Variants in NT5M observed in about 807,000 individuals in gnomAD.
NT5M encodes 5'(3')-deoxyribonucleotidase, mitochondrial.
In NT5M, 22 loss-of-function variants were observed where a neutral mutation model predicts 22.2. The ratio of observed to expected loss-of-function variants is 0.99; its 90% CI spans 0.71 to 1.41. The LOEUF is 1.41. Among genes scored for constraint, NT5M ranks in the 40% most tolerant of loss-of-function variants. The pLI is 0.00. For missense variants in NT5M, 322 were observed against 314.8 expected (o/e 1.02, Z -0.17); for synonymous variants, 167 against 133.0 (o/e 1.26, Z -1.76).
chr17:17,313,596 T>C lies in NT5M; in HGVS notation c.368+6953T>C, dbSNP rs539217049. On this transcript the variant is annotated intron_variant, in intron 2 of 4. Transcript: ENST00000389022. ...CTGATCAGTCACCCTCATGACTATT[T>C]ATCCAGCATCTGCTGCATGCTCAGC... Among the ~76,000 whole-genome samples, 120 of 152,328 alleles carry C rather than the reference T, an allele frequency of 7.9e-4. 1 individual carries two copies. Among genetic ancestry groups the C allele is most frequent in the African/African-American group, 2.8e-3 (118 of 41,554 alleles).
intron 2 of NT5M, among the ~76,000 whole-genome samples, chr17:17,319,552 C>A (rs1271377458): frequency 6.6e-6 from 1 of 152,208 alleles, no homozygotes; most frequent in East Asian, 1.9e-4. Context: ...ACTGTTGATA[C>A]ATTTATTTAA....
intron 3 of NT5M, among the ~76,000 whole-genome samples, chr17:17,340,415 C>A (rs1282949693): frequency 6.6e-6 from 1 of 151,822 alleles, no homozygotes. Flanking sequence ...TTTACCTTTC[C>A]AAAAAACCAA....
intron 2 of NT5M, among the ~76,000 whole-genome samples, chr17:17,309,623 A>C (rs2048881254): frequency 6.8e-6 from 1 of 146,006 alleles, no homozygotes; most frequent in Admixed American, 6.8e-5. Context: ...GTGTGAAGTG[A>C]TTTTGTGAAT....
chr17:17,311,685 T>C (rs2145331248), intron 2 of NT5M, among the ~76,000 whole-genome samples: 1 of 152,356 alleles, frequency 6.6e-6, no homozygotes, highest in Non-Finnish European at 1.5e-5. Flanking sequence ...TGTCAACTTT[T>C]AAAGTTCTAA....
At chr17:17,329,219 C>G (rs2049326317) in intron 3 of NT5M, among the ~76,000 whole-genome samples, 1 of 152,204 alleles carries the variant, frequency 6.6e-6, no homozygotes, top group Admixed American at 6.5e-5. Context: ...ACCTCGTGAT[C>G]TGCCCGCCTC....
intron 2 of NT5M, among the ~76,000 whole-genome samples, chr17:17,318,346 G>A (rs2049076143): frequency 6.6e-6 from 1 of 151,948 alleles, no homozygotes; most frequent in South Asian, 2.1e-4. Flanking sequence ...CAGGCTTGGT[G>A]GCAGGCACCT....
intron 3 of NT5M, among the ~76,000 whole-genome samples, chr17:17,336,323 C>T (rs765172050): frequency 6.6e-5 from 10 of 151,926 alleles, no homozygotes; most frequent in Non-Finnish European, 1.3e-4. Flanking sequence ...TTTTTTTGTG[C>T]CCATTAACTC....
intron 3 of NT5M, among the ~76,000 whole-genome samples, chr17:17,338,770 A>G (rs994206397): frequency 4.0e-5 from 5 of 125,708 alleles, no homozygotes; most frequent in African/African-American, 1.6e-4. Context: ...TCTGTCACCC[A>G]AGCTGGAGTG....
chr17:17,330,742 CTT>C (rs58633073), intron 3 of NT5M, among the ~76,000 whole-genome samples: 5,736 of 118,520 alleles, frequency 0.048, 278 homozygotes, highest in African/African-American at 0.17. Context: ...TTCTTTCTTT[CTT>C]TTTTTTTTTT....
At chr17:17,326,347 A>G (rs948429417) in intron 3 of NT5M, among the ~76,000 whole-genome samples, 1 of 152,202 alleles carries the variant, frequency 6.6e-6, no homozygotes, top group African/African-American at 2.4e-5. Flanking sequence ...GCCCACCGCC[A>G]GTGTGTTCCC....
chr17:17,304,958 T>A (rs1203757559), intron 1 of NT5M, among the ~76,000 whole-genome samples: 2 of 152,180 alleles, frequency 1.3e-5, no homozygotes, highest in South Asian at 2.1e-4. Context: ...AAGGTGACTT[T>A]CACAGAGCCC....
intron 3 of NT5M, among the ~76,000 whole-genome samples, chr17:17,331,876 G>C (rs1285585425): frequency 6.6e-6 from 1 of 151,192 alleles, no homozygotes; most frequent in Non-Finnish European, 1.5e-5. Context: ...CGCCTCCTGG[G>C]TTCACACCAT....
At chr17:17,322,155 G>C (rs1343779017) in intron 2 of NT5M, among the ~76,000 whole-genome samples, 1 of 152,158 alleles carries the variant, frequency 6.6e-6, no homozygotes, top group Non-Finnish European at 1.5e-5. Flanking sequence ...GAGCCAGCGA[G>C]TGAGGTGCAT....
chr17:17,326,090 C>T (rs781681043), intron 3 of NT5M, among the ~76,000 whole-genome samples: 22 of 152,304 alleles, frequency 1.4e-4, no homozygotes, highest in African/African-American at 5.3e-4. Flanking sequence ...ATTCATTTGT[C>T]CAACAGAGAG....
chr17:17,309,675 C>CTT (rs34209605), intron 2 of NT5M, among the ~76,000 whole-genome samples: 14,825 of 120,682 alleles, frequency 0.12, 904 homozygotes, highest in Non-Finnish European at 0.14. Flanking sequence ...GCTCAAGCAT[C>CTT]TTTTTTTTTT....
intron 3 of NT5M, among the ~76,000 whole-genome samples, chr17:17,337,856 C>A (rs904967074): frequency 6.6e-6 from 1 of 152,152 alleles, no homozygotes; most frequent in African/African-American, 2.4e-5. Context: ...TGTGGATTGT[C>A]TCTTCACTTT....
In NT5M at chr17:17,311,210, C is replaced by T. The variant is rs187284603; in HGVS notation, c.368+4567C>T. Reference sequence around the variant, plus strand: ...ATAATTAGCTGGGTGTGGTGGTGGGCGCCTGTAGTCCCAGCTACTCAGGAG... The same window carrying T: ...ATAATTAGCTGGGTGTGGTGGTGGGTGCCTGTAGTCCCAGCTACTCAGGAG... On this transcript the variant is annotated intron_variant, in intron 2 of 4. Coordinates refer to ENST00000389022, the MANE Select transcript of NT5M (RefSeq NM_020201.4). 1.7e-3 allele frequency among the ~76,000 whole-genome samples: 264 copies of T among 151,782 alleles called. 7 individuals are homozygous for T. In the East Asian group the frequency reaches 0.04, roughly 23 times the overall value.
intron 3 of NT5M, among the ~76,000 whole-genome samples, chr17:17,326,981 G>A (rs562482207): frequency 1.1e-4 from 16 of 151,922 alleles, no homozygotes; most frequent in Non-Finnish European, 2.2e-4. Flanking sequence ...GTGCGATCTC[G>A]GCTTACTGCA....
Position 17,346,898 on chromosome 17 carries a change from CG to C in NT5M, c.639del (p.Trp214GlyfsTer28). 6.2e-7 allele frequency: 1 copy of C among 1,611,068 alleles called. No homozygotes were observed. Among genetic ancestry groups the C allele is most frequent in the Non-Finnish European group, 8.5e-7 (1 of 1,179,954 alleles). ...CAGCCCCCCCGCCGCAGGCTGCACT[CG>C]TGGGCGGACGACTGGAAGGCCATTC... Reference protein sequence around the residue: ...QLQPPRRRLHSWADDWKAILD... With the variant: ...QLQPPRRRLHXWADDWKAILD... On this transcript the variant is annotated frameshift_variant, in exon 5 of 5. Transcript: ENST00000389022. LOFTEE classifies it high-confidence loss of function.
Sources: allele counts gnomAD v4.1 joint callset (sites outside exome capture counted in the v4.1 genomes callset), GRCh38; gene constraint gnomAD v4.1.1; transcripts MANE v1.5; gene names NCBI Gene and HGNC (gene_info 2026-07-23, HGNC 2026-07-21).